STAU2: variants seen among roughly 807,000 people sequenced by gnomAD.
The protein encoded by STAU2 is staufen double-stranded RNA binding protein 2.
Under a neutral mutation model 65.9 loss-of-function variants are expected in STAU2, and 20 were observed. The ratio of observed to expected loss-of-function variants is 0.30; its 90% CI spans 0.21 to 0.44. STAU2 has a LOEUF of 0.44. STAU2 is among the 20% of genes least tolerant of loss of function. The pLI, the probability that STAU2 is intolerant of heterozygous loss-of-function variation, is 1.00. For missense variants in STAU2, 558 were observed against 683.9 expected, an observed-to-expected ratio of 0.82 and a Z score of 2.05; for synonymous variants, 232 against 233.9, an observed-to-expected ratio of 0.99 and a Z score of 0.07.
chr8:73,711,131 CAAAA>C (rs751087630), intron 3 of STAU2, among the ~76,000 whole-genome samples: 4 of 31,104 alleles, frequency 1.3e-4, no homozygotes, highest in African/African-American at 3.7e-4. Flanking sequence ...AAGTGGCTTG[CAAAA>C]AAAAAAAAAA....
At chr8:73,628,613 G>A (rs757320763) in intron 6 of STAU2, among the ~76,000 whole-genome samples, 1 of 152,056 alleles carries the variant, frequency 6.6e-6, no homozygotes, top group Middle Eastern at 3.2e-3. Flanking sequence ...AAGGATTCAC[G>A]AAACGAGCTC....
At chr8:73,550,160 A>T in intron 13 of STAU2, 1 of 985,384 alleles carries the variant, frequency 1.0e-6, no homozygotes, top group Non-Finnish European at 1.2e-6. Context: ...TAATATTTTA[A>T]AATCACCTGT....
intron 6 of STAU2, chr8:73,651,154 C>T: frequency 6.4e-6 from 8 of 1,243,204 alleles, no homozygotes; most frequent in Non-Finnish European, 9.1e-6. Context: ...CCTCCCTGGC[C>T]CGGACCAGGC....
intron 13 of STAU2, among the ~76,000 whole-genome samples, chr8:73,445,627 A>T (rs1275988154): frequency 6.6e-6 from 1 of 152,206 alleles, no homozygotes; most frequent in East Asian, 1.9e-4. Flanking sequence ...GAGGGCCAGT[A>T]TCTGGAATGC....
intron 13 of STAU2, 169 bp downstream of exon 13, chr8:73,551,843 G>C: frequency 3.1e-6 from 4 of 1,288,368 alleles, no homozygotes; most frequent in Non-Finnish European, 3.9e-6. Flanking sequence ...GAGAAAATGA[G>C]GCATGTGCAT....
intron 6 of STAU2, 48 bp downstream of exon 6, chr8:73,673,059 C>A: frequency 6.9e-7 from 1 of 1,443,260 alleles, no homozygotes. Context: ...ACTTTTATAA[C>A]ATGGATAAAA....
chr8:73,481,607 G>C (rs1175079317), intron 13 of STAU2, among the ~76,000 whole-genome samples: 4 of 150,546 alleles, frequency 2.7e-5, no homozygotes, highest in East Asian at 3.9e-4. Context: ...ATATAATGTT[G>C]CTCCAACCAA....
At chr8:73,617,705 T>C (rs1007191810) in intron 6 of STAU2, among the ~76,000 whole-genome samples, 1 of 152,228 alleles carries the variant, frequency 6.6e-6, no homozygotes, top group Non-Finnish European at 1.5e-5. Flanking sequence ...TATTTAATTA[T>C]ATCACAGGAT....
At chr8:73,592,471 T>C (rs537299990) in intron 11 of STAU2, among the ~76,000 whole-genome samples, 6 of 152,112 alleles carry the variant, frequency 3.9e-5, no homozygotes, top group African/African-American at 1.2e-4. Flanking sequence ...AGTAACCCTA[T>C]CTATTTTTAA....
At chr8:73,524,910 C>T (rs1823262738) in intron 13 of STAU2, among the ~76,000 whole-genome samples, 2 of 152,082 alleles carry the variant, frequency 1.3e-5, no homozygotes, top group Admixed American at 1.3e-4. Context: ...GAAGGAGTAC[C>T]TTTTGCTTAG....
intron 13 of STAU2, among the ~76,000 whole-genome samples, chr8:73,487,552 T>C (rs575131637): frequency 6.6e-6 from 1 of 152,248 alleles, no homozygotes; most frequent in South Asian, 2.1e-4. Flanking sequence ...GGAGATCTTC[T>C]GGTTTGTTTG....
intron 11 of STAU2, among the ~76,000 whole-genome samples, chr8:73,590,265 CA>C (rs908328819): frequency 1.4e-4 from 21 of 147,078 alleles, no homozygotes; most frequent in Non-Finnish European, 2.9e-4. Flanking sequence ...AAGGAAGAAA[CA>C]AAAAAAATCA....
chr8:73,549,141 T>C (rs775290003), intron 13 of STAU2, among the ~76,000 whole-genome samples: 5 of 152,302 alleles, frequency 3.3e-5, no homozygotes, highest in Middle Eastern at 3.4e-3. Context: ...TGAAACACTA[T>C]GGTAGGACTA....
rs969066868 is a variant in STAU2, at chr8:73,638,502, T to C, written c.411-21051A>G. On this transcript the variant is annotated intron_variant, in intron 6 of 14. Transcript: ENST00000524300. ...TAACCCAGGTCATTTGAAATATTCT[T>C]TTTTTTTTTTTTTTTTAAAAAGAGT... Among the ~76,000 whole-genome samples, 497 of 74,354 alleles carry C rather than the reference T, an allele frequency of 6.7e-3. 2 individuals are homozygous for C. Among genetic ancestry groups the C allele is most frequent in the Non-Finnish European group, 9.5e-3 (363 of 38,390 alleles). The allele number at this position is 74,354 out of a possible 152,430, so 48.8% of individuals were successfully genotyped here.
At chr8:73,567,230 G>A (rs755041130) in intron 12 of STAU2, among the ~76,000 whole-genome samples, 12 of 152,140 alleles carry the variant, frequency 7.9e-5, no homozygotes, top group African/African-American at 2.7e-4. Flanking sequence ...AAAAAAGGCC[G>A]GGCGCAGTGG....
chr8:73,478,046 A>ATT (rs1182408878), intron 13 of STAU2, among the ~76,000 whole-genome samples: 289 of 149,072 alleles, frequency 1.9e-3, no homozygotes, highest in South Asian at 3.2e-3. Flanking sequence ...ATATATATAT[A>ATT]TTTTTTTTTG....
intron 3 of STAU2, among the ~76,000 whole-genome samples, chr8:73,717,648 T>TGTCGTC (rs201843693): frequency 3.3e-5 from 5 of 152,030 alleles, no homozygotes; most frequent in Non-Finnish European, 7.4e-5. Flanking sequence ...TTGTTGTTGT[T>TGTCGTC]GTTGTTGTTG....
At chr8:73,571,826 C>A (rs576511318) in intron 12 of STAU2, among the ~76,000 whole-genome samples, 1 of 152,168 alleles carries the variant, frequency 6.6e-6, no homozygotes, top group East Asian at 1.9e-4. Flanking sequence ...CCTAACATCA[C>A]AATTAAAAGA....
At chr8:73,616,592 AT>A (rs1812846010) in intron 7 of STAU2, among the ~76,000 whole-genome samples, 1 of 151,998 alleles carries the variant, frequency 6.6e-6, no homozygotes, top group African/African-American at 2.4e-5. Context: ...AGGTCAAGAG[AT>A]CGAGAACATC....
Sources: allele counts gnomAD v4.1 joint callset (sites outside exome capture counted in the v4.1 genomes callset), GRCh38; gene constraint gnomAD v4.1.1; transcripts MANE v1.5; gene names NCBI Gene and HGNC (gene_info 2026-07-23, HGNC 2026-07-21).